Variants in CNTNAP5 observed in about 807,000 individuals in gnomAD.
The protein encoded by CNTNAP5 is contactin-associated protein-like 5.
A neutral mutation model predicts 150.2 loss-of-function variants in CNTNAP5; 72 were observed. The observed-to-expected ratio is 0.48, with a 90% CI of 0.40 to 0.58. CNTNAP5 has a LOEUF of 0.58. CNTNAP5 is among the 20% of genes least tolerant of loss of function. The probability of loss-of-function intolerance (pLI) is 0.00; values close to 1 mark genes in which losing one functional copy is unlikely to be tolerated. For synonymous variants in CNTNAP5, 672 were observed against 619.8 expected, an observed-to-expected ratio of 1.08 and a Z score of -1.25; for missense variants, 1,636 against 1,626.2, an observed-to-expected ratio of 1.01 and a Z score of -0.10.
chr2:124,371,909 T>C (rs553294887), intron 3 of CNTNAP5, among the ~76,000 whole-genome samples: 1 of 152,140 alleles, frequency 6.6e-6, no homozygotes, highest in Admixed American at 6.5e-5. Context: ...TAGTTAATAT[T>C]AGATGTCATC....
intron 22 of CNTNAP5, among the ~76,000 whole-genome samples, chr2:124,907,784 G>T (rs1170385225): frequency 3.3e-5 from 5 of 150,672 alleles, no homozygotes; most frequent in Non-Finnish European, 7.4e-5. Context: ...TTTGCCGAAG[G>T]TGTCCATTAA....
intron 4 of CNTNAP5, among the ~76,000 whole-genome samples, chr2:124,427,194 A>T (rs1211520425): frequency 6.6e-6 from 1 of 152,154 alleles, no homozygotes; most frequent in Non-Finnish European, 1.5e-5. Flanking sequence ...TATTAATATG[A>T]AGGAAAACAT....
intron 3 of CNTNAP5, among the ~76,000 whole-genome samples, chr2:124,313,403 A>C (rs1688882833): frequency 6.6e-6 from 1 of 152,218 alleles, no homozygotes; most frequent in African/African-American, 2.4e-5. Context: ...CCTAAATTTT[A>C]GGATCATTTG....
chr2:124,385,332 CT>C (rs2104742218), intron 3 of CNTNAP5, among the ~76,000 whole-genome samples: 1 of 152,268 alleles, frequency 6.6e-6, no homozygotes, highest in Admixed American at 6.5e-5. Context: ...GCCATCCACC[CT>C]GCTAAGAATT....
At chr2:124,258,331 T>C (rs1285809689) in intron 3 of CNTNAP5, among the ~76,000 whole-genome samples, 2 of 152,170 alleles carry the variant, frequency 1.3e-5, no homozygotes, top group South Asian at 2.1e-4. Context: ...CCAAAGATGA[T>C]CTGACAGGCA....
chr2:124,822,311 T>C (rs936391900), intron 19 of CNTNAP5, among the ~76,000 whole-genome samples: 1 of 152,178 alleles, frequency 6.6e-6, no homozygotes, highest in Non-Finnish European at 1.5e-5. Context: ...TTTGTATTTT[T>C]CCATTAAAAT....
chr2:124,151,662 T>C (rs1334057771), intron 1 of CNTNAP5, among the ~76,000 whole-genome samples: 4 of 152,232 alleles, frequency 2.6e-5, no homozygotes, highest in African/African-American at 9.6e-5. Context: ...AGAATATGTA[T>C]GTACCACGTC....
intron 19 of CNTNAP5, among the ~76,000 whole-genome samples, chr2:124,808,977 A>AC (rs2104654097): frequency 6.6e-6 from 1 of 151,516 alleles, no homozygotes; most frequent in East Asian, 1.9e-4. Context: ...TTATGGTAAG[A>AC]CTTTTTTTTT....
chr2:124,630,775 G>A (rs957789663), intron 12 of CNTNAP5, among the ~76,000 whole-genome samples: 3 of 152,032 alleles, frequency 2.0e-5, no homozygotes, highest in Non-Finnish European at 2.9e-5. Context: ...TAGGAACAGA[G>A]GAAATCAATG....
chr2:124,337,248 G>A (rs1689495927), intron 3 of CNTNAP5, among the ~76,000 whole-genome samples: 1 of 152,096 alleles, frequency 6.6e-6, no homozygotes, highest in African/African-American at 2.4e-5. Context: ...ATTTGTTTGA[G>A]TTCTTTGTAG....
In CNTNAP5 at chr2:124,764,145, G is replaced by C. The variant is rs796542146; in HGVS notation, c.2531G>C (p.Ser844Thr). Residue 844 changes from serine (S) to threonine (T), a missense_variant and splice_region_variant, in exon 16 of 24, where the codon AGC becomes ACC. Physicochemically the swap from Ser to Thr is moderately conservative, Grantham distance 58 (BLOSUM62 1). Transcript: ENST00000682447. ...GIKDFIRLEI[S>T]SPSEITFAID... ...AAAGACTTCATTCGACTCGAAATAA[G>C]CTGTAAGTGCCCTCAATTATGAATT... is the stretch of plus-strand genomic sequence containing the variant. 6.2e-7 allele frequency: 1 copy of C among 1,610,314 alleles called. No individual in the cohort carries two copies. The highest frequency in any genetic ancestry group is 8.5e-7 in the Non-Finnish European group (1 of 1,177,202).
Position 124,657,353 on chromosome 2 carries a change from A to T in CNTNAP5, c.2077+9395A>T, listed in dbSNP as rs548067996. On this transcript the variant is annotated intron_variant, in intron 13 of 23. Transcript: ENST00000682447. Reference sequence around the variant, plus strand: ...TCTCATTTCAGTAAATGCTACCTTCATCTACTGAGTTTTTTAAGACCAAAA... The same window carrying T: ...TCTCATTTCAGTAAATGCTACCTTCTTCTACTGAGTTTTTTAAGACCAAAA... 3.3e-5 allele frequency among the ~76,000 whole-genome samples: 5 copies of T among 152,148 alleles called. No homozygotes were observed. The South Asian group carries it at 1.0e-3, about 32-fold the overall frequency.
intron 3 of CNTNAP5, among the ~76,000 whole-genome samples, chr2:124,244,653 A>G (rs1686973830): frequency 6.6e-6 from 1 of 152,238 alleles, no homozygotes; most frequent in African/African-American, 2.4e-5. Context: ...AGGGACCATT[A>G]CAACTTCCAA....
chr2:124,103,600 G>T (rs1238882232), intron 1 of CNTNAP5, among the ~76,000 whole-genome samples: 1 of 151,994 alleles, frequency 6.6e-6, no homozygotes, highest in Non-Finnish European at 1.5e-5. Context: ...ATTGACTATA[G>T]TATTCAGTCC....
chr2:124,461,519 G>T (rs558503109), intron 6 of CNTNAP5, among the ~76,000 whole-genome samples: 1 of 119,784 alleles, frequency 8.3e-6, no homozygotes, highest in Non-Finnish European at 1.6e-5. Flanking sequence ...ACACTCAGGG[G>T]ACTGTTGTGG....
intron 6 of CNTNAP5, among the ~76,000 whole-genome samples, chr2:124,468,401 T>C (rs1693431099): frequency 6.6e-6 from 1 of 152,090 alleles, no homozygotes; most frequent in Non-Finnish European, 1.5e-5. Context: ...GCCAAAGTCC[T>C]CAGAGTCTGA....
chr2:124,684,534 T>C (rs1304156906), intron 13 of CNTNAP5, among the ~76,000 whole-genome samples: 6 of 152,202 alleles, frequency 3.9e-5, no homozygotes, highest in Non-Finnish European at 7.4e-5. Flanking sequence ...GCTGCCTTGA[T>C]AGCCAAAAGG....
chr2:124,660,290 A>T (rs1678559797), intron 13 of CNTNAP5, among the ~76,000 whole-genome samples: 1 of 152,132 alleles, frequency 6.6e-6, no homozygotes, highest in African/African-American at 2.4e-5. Context: ...CGGTCTAGGG[A>T]AGAGTTAAAA....
At position 124,155,794 on chromosome 2, in the gene CNTNAP5, A is replaced by G. The variant is rs148982082; in HGVS notation, c.83-65911A>G. Among the ~76,000 whole-genome samples, 489 of 152,306 alleles carry G rather than the reference A, an allele frequency of 3.2e-3. 3 individuals carry two copies. The highest frequency in any genetic ancestry group is 0.011 in the African/African-American group (471 of 41,554). ...GCTGAGCCATGGAATTCATGGCCTGAAAAACAAAACAAAATAAAAATCAAT... is the reference window on the plus strand; with the variant it reads ...GCTGAGCCATGGAATTCATGGCCTGGAAAACAAAACAAAATAAAAATCAAT... On this transcript the variant is annotated intron_variant, in intron 1 of 23. Coordinates refer to ENST00000682447, the MANE Select transcript of CNTNAP5 (RefSeq NM_001367498.1).
Sources: gnomAD v4.1 joint callset for allele counts (sites outside exome capture counted in the v4.1 genomes callset) on GRCh38, gnomAD v4.1.1 for gene constraint, MANE v1.5 for transcripts, NCBI Gene and HGNC (gene_info 2026-07-23, HGNC 2026-07-21) for gene names.